KCNT1: variants seen among roughly 807,000 people sequenced by gnomAD.
The protein encoded by KCNT1 is potassium sodium-activated channel subfamily T member 1.
A neutral mutation model predicts 147.8 loss-of-function variants in KCNT1; 78 were observed. The ratio of observed to expected loss-of-function variants is 0.53; its 90% CI spans 0.44 to 0.64. The LOEUF is 0.64. KCNT1 is among the 30% of genes least tolerant of loss of function. KCNT1 has a pLI of 0.00. For synonymous variants in KCNT1, 867 were observed against 748.8 expected (o/e 1.16, Z -2.58); for missense variants, 1,419 against 1,750.3 (o/e 0.81, Z 3.38).
At chr9:135,791,976 G>A (rs1264953737) in intron 30 of KCNT1, 65 bp from the exon 31 acceptor site, 28 of 1,607,558 alleles carry the variant, frequency 1.7e-5, no homozygotes, top group Non-Finnish European at 2.4e-5. Flanking sequence ...GGGCCGCTCA[G>A]CAGAGGGCTG....
chr9:135,726,758 TCC>T (rs1491195440), intron 2 of KCNT1, among the ~76,000 whole-genome samples: 4 of 99,366 alleles, frequency 4.0e-5, no homozygotes, highest in African/African-American at 7.6e-5. Context: ...CCTCCCTCTC[TCC>T]CTCTCTCTCT....
At chr9:135,736,711 C>T (rs1356883613) in intron 2 of KCNT1, 2 of 362,928 alleles carry the variant, frequency 5.5e-6, no homozygotes, top group East Asian at 4.0e-5. Flanking sequence ...CGCCGCAGCC[C>T]CCGAGGAGCC....
At chr9:135,771,381 A>G (rs1347511954) in intron 18 of KCNT1, among the ~76,000 whole-genome samples, 5 of 152,236 alleles carry the variant, frequency 3.3e-5, no homozygotes, top group East Asian at 3.8e-4. Context: ...CCAACCTTGG[A>G]CAGGTGGAGT....
At chr9:135,750,893 C>G in intron 3 of KCNT1, 49 bp from the exon 4 acceptor site, 1 of 1,569,870 alleles carries the variant, frequency 6.4e-7, no homozygotes, top group Non-Finnish European at 8.7e-7. Flanking sequence ...CCCTGCTCCC[C>G]GAAGCCCAGA....
Position 135,786,223 on chromosome 9 carries a change from CTG to C in KCNT1, c.3207_3208del (p.Cys1069Ter). On this transcript the variant is annotated frameshift_variant, in exon 29 of 31. Transcript: ENST00000371757. LOFTEE classifies it high-confidence loss of function. ...QSQISVNVED[C>X]EDTREVKGPW... ...CCCAGATCTCGGTGAACGTGGAGGA[CTG>C]TGAGGACACACGGGAAGTGAAGGGG... The C allele has an allele frequency of 1.2e-6, 2 of 1,611,474 alleles. No homozygotes were observed. The highest frequency in any genetic ancestry group is 2.7e-5 in the African/African-American group (2 of 74,960).
intron 9 of KCNT1, 135 bp from the exon 10 acceptor site, chr9:135,758,279 G>C (rs1341677677): frequency 1.5e-6 from 1 of 682,846 alleles, no homozygotes; most frequent in African/African-American, 1.8e-5. Context: ...CCAGGTACAG[G>C]CTGCCCCGTG....
rs948288645 is a variant in KCNT1, at chr9:135,730,635, C to T, written c.254+15915C>T. On this transcript the variant is annotated intron_variant, in intron 2 of 30. Transcript: ENST00000371757. This position sits in a 1 kb window ranked among gnomAD's most constrained non-coding sequence, Gnocchi z 4.7. Reference sequence around the variant, plus strand: ...CCCCTCCCTGGGACTCCAGAAGGAGCCAGCCCTGCCGGCACTTCAGGCTTG... The same window carrying T: ...CCCCTCCCTGGGACTCCAGAAGGAGTCAGCCCTGCCGGCACTTCAGGCTTG... 6.6e-6 allele frequency among the ~76,000 whole-genome samples: 1 copy of T among 152,140 alleles called. No individual in the cohort carries two copies. Among genetic ancestry groups the T allele is most frequent in the East Asian group, 1.9e-4 (1 of 5,194 alleles).
At chr9:135,774,048 G>A (rs1832936239) in intron 19 of KCNT1, among the ~76,000 whole-genome samples, 1 of 150,188 alleles carries the variant, frequency 6.7e-6, no homozygotes, top group Non-Finnish European at 1.5e-5. Flanking sequence ...TGTGTGTGTG[G>A]TGTATGTTAT....
Position 135,765,122 on chromosome 9 carries a change from T to C in KCNT1, c.1127T>C (p.Leu376Pro), listed in dbSNP as rs1564362315. 1 of 1,613,578 alleles carries C rather than the reference T, an allele frequency of 6.2e-7. No homozygotes were observed. Among genetic ancestry groups the C allele is most frequent in the African/African-American group, 1.3e-5 (1 of 75,046 alleles). ...GCGCAGACGGAGAAGCACGTGGTCCTGTGTGTCAGCTCCCTCAAGATCGAC... is the reference window on the plus strand; with the variant it reads ...GCGCAGACGGAGAAGCACGTGGTCCCGTGTGTCAGCTCCCTCAAGATCGAC... ...HRAQTEKHVV[L>P]CVSSLKIDLL... Residue 376 changes from leucine to proline, a missense_variant, in exon 12 of 31, where the codon CTG (leucine) becomes CCG (proline). Leu to Pro is a moderately conservative substitution (Grantham distance 98). Transcript: ENST00000371757.
At chr9:135,729,157 A>T (rs1052532948) in intron 2 of KCNT1, among the ~76,000 whole-genome samples, 2 of 152,218 alleles carry the variant, frequency 1.3e-5, no homozygotes, top group African/African-American at 2.4e-5. Context: ...AATTTGAATT[A>T]ATCAAAGGGC....
chr9:135,785,463 C>T (rs953847967), intron 28 of KCNT1, 133 bp downstream of exon 28: 60 of 1,124,408 alleles, frequency 5.3e-5, no homozygotes, highest in Non-Finnish European at 4.3e-5. Context: ...AGGAGCGGGT[C>T]CCACGGATGT....
chr9:135,792,787 C>A lies in KCNT1; in HGVS notation c.*626C>A, dbSNP rs966544832. 1 of 152,286 alleles carries A rather than the reference C, an allele frequency of 6.6e-6. No homozygotes were observed. The highest frequency in any genetic ancestry group is 2.1e-4 in the South Asian group (1 of 4,834). The allele number at this position is 152,286 out of a possible 1,614,324, so 9.4% of individuals were successfully genotyped here. Reference sequence around the variant, plus strand: ...TGCGTCCCCAGGTCCCCCAGAGGGCCCTGTCGCCGAGGACCTTTCTGAAGG... The same window carrying A: ...TGCGTCCCCAGGTCCCCCAGAGGGCACTGTCGCCGAGGACCTTTCTGAAGG... On this transcript the variant is annotated 3_prime_UTR_variant, in exon 31 of 31. Transcript: ENST00000371757.
chr9:135,786,386 C>G lies in KCNT1; in HGVS notation c.3367C>G (p.Gln1123Glu). ...ARRLSRKAPK[Q>E]AGRAAAAEWI... ...GAGGCTGAGCCGCAAGGCGCCCAAG[C>G]AGGCAGGCCGGGCGGCGGCCGCGGA... The change falls in exon 29 of 31, where the codon CAG (glutamine) becomes GAG (glutamate). Residue 1123 changes from glutamine (Q) to glutamate (E), a missense_variant. Gln to Glu is a conservative substitution (Grantham distance 29, BLOSUM62 2). Coordinates refer to ENST00000371757, the MANE Select transcript of KCNT1 (RefSeq NM_020822.3). 6.3e-7 allele frequency: 1 copy of G among 1,576,172 alleles called. No homozygotes were observed. Among genetic ancestry groups the G allele is most frequent in the Non-Finnish European group, 8.6e-7 (1 of 1,161,806 alleles).
intron 2 of KCNT1, among the ~76,000 whole-genome samples, chr9:135,725,977 C>T (rs55724592): frequency 0.14 from 20,619 of 152,100 alleles, 1,578 homozygotes; most frequent in South Asian, 0.16. Flanking sequence ...AGCAGCCTCC[C>T]CGGCCACCAC....
Position 135,750,035 on chromosome 9 carries a change from G to A in KCNT1, c.255-63G>A, listed in dbSNP as rs1365313593. ...AGAAGTCAGTCAGGTTGGGGCTCCC[G>A]GCGTGTCCCCAGCCTGAGTCCCCAC... On this transcript the variant is annotated intron_variant, in intron 2 of 30. Coordinates refer to ENST00000371757, the MANE Select transcript of KCNT1 (RefSeq NM_020822.3). 2.0e-5 allele frequency: 27 copies of A among 1,360,384 alleles called. No homozygotes were observed. In the East Asian group the frequency reaches 2.5e-4, roughly 13 times the overall value. The allele number at this position is 1,360,384 out of a possible 1,614,324, so 84.3% of individuals were successfully genotyped here. A position where few individuals can be genotyped will look rare whatever the true frequency, so the allele number is the denominator to read the frequency against.
At chr9:135,768,805 C>T (rs1168835112) in intron 14 of KCNT1, 24 bp from the exon 15 acceptor site, 2 of 1,601,722 alleles carry the variant, frequency 1.2e-6, no homozygotes, top group Non-Finnish European at 1.7e-6. Flanking sequence ...CCCGTCTGCA[C>T]TGACCAACCA....
intron 2 of KCNT1, among the ~76,000 whole-genome samples, chr9:135,728,944 C>T (rs1836325261): frequency 6.6e-6 from 1 of 152,152 alleles, no homozygotes; most frequent in African/African-American, 2.4e-5. Context: ...ACTGTGTCCC[C>T]CAAGATTTAT....
intron 11 of KCNT1, among the ~76,000 whole-genome samples, chr9:135,762,994 A>G (rs1008021223): frequency 6.6e-6 from 1 of 152,214 alleles, no homozygotes; most frequent in African/African-American, 2.4e-5. Flanking sequence ...CCACTGCCTG[A>G]CTGCCTTGTC....
chr9:135,707,822 C>T (rs1835317724), intron 1 of KCNT1, among the ~76,000 whole-genome samples: 1 of 152,206 alleles, frequency 6.6e-6, no homozygotes, highest in Non-Finnish European at 1.5e-5. Flanking sequence ...GAAAGCTGCT[C>T]TGAAGTCTGT....
Sources: allele counts gnomAD v4.1 joint callset (sites outside exome capture counted in the v4.1 genomes callset), GRCh38; gene constraint gnomAD v4.1.1; non-coding constraint Gnocchi (gnomAD v3.1); transcripts MANE v1.5; gene names NCBI Gene and HGNC (gene_info 2026-07-23, HGNC 2026-07-21).